PKD1L1: variants seen among roughly 807,000 people sequenced by gnomAD.
PKD1L1 encodes the protein polycystin 1 like 1, transient receptor potential channel interacting, also known as polycystin-1-like protein 1.
PKD1L1 carries 236 observed loss-of-function variants against 323.4 expected under a neutral mutation model. The observed-to-expected ratio is 0.73, with a 90% confidence interval of 0.66 to 0.81. PKD1L1 has a LOEUF of 0.81. PKD1L1 is among the 40% of genes least tolerant of loss of function. The pLI, the probability that PKD1L1 is intolerant of heterozygous loss-of-function variation, is 0.00. For synonymous variants in PKD1L1, 1,344 were observed against 1,335.0 expected (o/e 1.01, Z -0.15); for missense variants, 3,320 against 3,508.0 (o/e 0.95, Z 1.35).
Position 47,846,812 on chromosome 7 carries a change from G to A in PKD1L1, c.5153+67C>T, listed in dbSNP as rs1042458675. The A allele has an allele frequency of 8.2e-6, 12 of 1,464,838 alleles. No homozygotes were observed. In the East Asian group the frequency reaches 2.8e-4, roughly 34 times the overall value. The allele number at this position is 1,464,838 out of a possible 1,614,324, so 90.7% of individuals were successfully genotyped here. A position where few individuals can be genotyped will look rare whatever the true frequency, so the allele number is the denominator to read the frequency against. The stretch of plus-strand genomic sequence containing the variant: ...GTTCAGGAAAGGCTCTAGGGGTTGG[G>A]CCAAATGCAGAAGACAAGGCAGTCA... On this transcript the variant is annotated intron_variant, in intron 32 of 56. Coordinates refer to ENST00000289672, the MANE Select transcript of PKD1L1 (RefSeq NM_138295.5).
rs1786296407 is a variant in PKD1L1, at chr7:47,872,195, C to G, written c.3896+1704G>C. 2.6e-5 allele frequency among the ~76,000 whole-genome samples: 4 copies of G among 152,154 alleles called. No homozygotes were observed. The South Asian group carries it at 8.3e-4, about 32-fold the overall frequency. On this transcript the variant is annotated intron_variant, in intron 24 of 56. Coordinates refer to ENST00000289672, the MANE Select transcript of PKD1L1 (RefSeq NM_138295.5). ...CCCCCTGCAGCAGGAGTCTGGAGCC[C>G]CAGTCTGCCCCAGCCAGAGCAAGGC...
intron 7 of PKD1L1, among the ~76,000 whole-genome samples, chr7:47,923,335 TA>T (rs371527820): frequency 5.8e-4 from 72 of 123,482 alleles, no homozygotes; most frequent in Non-Finnish European, 6.2e-4. Context: ...CAATAAATAC[TA>T]AAAAAAAAAA....
chr7:47,896,329 C>CAAAAA (rs34061319), intron 14 of PKD1L1, among the ~76,000 whole-genome samples: 1 of 46,876 alleles, frequency 2.1e-5, no homozygotes, highest in African/African-American at 7.9e-5. Flanking sequence ...GACCCTGTCT[C>CAAAAA]AAAAAAAAAA....
chr7:47,933,372 AC>A (rs1438206604), intron 4 of PKD1L1, among the ~76,000 whole-genome samples: 1 of 152,080 alleles, frequency 6.6e-6, no homozygotes. Context: ...TTTCTTTAAA[AC>A]TTGAGCCTCT....
At chr7:47,801,593 C>A (rs1265840485) in intron 53 of PKD1L1, among the ~76,000 whole-genome samples, 1 of 152,210 alleles carries the variant, frequency 6.6e-6, no homozygotes, top group Non-Finnish European at 1.5e-5. Context: ...CAGCTATAGT[C>A]ATGGGCTGCA....
rs1243250926 is a variant in PKD1L1, at chr7:47,837,084, C to T, written c.5780G>A (p.Cys1927Tyr). ...GGLGFRKLFYCKFTEYLEDFH... is the reference protein window; with the variant it reads ...GGLGFRKLFYYKFTEYLEDFH... ...ATCCTCCAGGTACTCTGTGAACTTG[C>T]AATAGAAAAGCTGAAACGGAAAGCA... Residue 1927 changes from cysteine to tyrosine, a missense_variant, in exon 37 of 57, where the codon TGC becomes TAC. By Grantham distance (194) the Cys-to-Tyr change is radical (BLOSUM62 -2). Coordinates refer to ENST00000289672, the MANE Select transcript of PKD1L1 (RefSeq NM_138295.5). 3 of 1,613,884 alleles carry T rather than the reference C, an allele frequency of 1.9e-6. No homozygotes were observed. In the East Asian group the frequency reaches 6.7e-5, roughly 36 times the overall value.
At chr7:47,947,692 G>C (rs1040801499) in intron 1 of PKD1L1, among the ~76,000 whole-genome samples, 13 of 152,246 alleles carry the variant, frequency 8.5e-5, no homozygotes, top group Admixed American at 3.9e-4. Context: ...TGGAGGCTGG[G>C]TGCGGTGGCT....
chr7:47,825,966 C>T (rs1198007206), intron 45 of PKD1L1, among the ~76,000 whole-genome samples: 1 of 152,064 alleles, frequency 6.6e-6, no homozygotes, highest in African/African-American at 2.4e-5. Flanking sequence ...GCAGCGCCCC[C>T]AGCCACCCCA....
intron 7 of PKD1L1, among the ~76,000 whole-genome samples, chr7:47,927,399 C>T (rs1787675500): frequency 6.6e-6 from 1 of 152,118 alleles, no homozygotes; most frequent in Admixed American, 6.6e-5. Context: ...CTGCCCCAGC[C>T]TCCTAAGTAG....
chr7:47,920,915 C>A (rs1787521414), intron 7 of PKD1L1, among the ~76,000 whole-genome samples: 1 of 152,156 alleles, frequency 6.6e-6, no homozygotes, highest in Admixed American at 6.6e-5. Context: ...GGACTTAAAT[C>A]TAAGACCTGA....
At chr7:47,887,686 C>T (rs185716690) in intron 17 of PKD1L1, among the ~76,000 whole-genome samples, 20 of 152,314 alleles carry the variant, frequency 1.3e-4, no homozygotes, top group African/African-American at 4.6e-4. Context: ...TGTGTCACAT[C>T]GCAGGTCCTT....
rs758039972 is a variant in PKD1L1, at chr7:47,885,729, A to C, written c.3162T>G (p.Ser1054=). ...QSKGSLMTGR[S]ERSQPTHSPD... Reference sequence around the variant, plus strand: ...GGCTGTGGGTGGGCTGACTTCTCTCAGAGCGGCCAGTCATCAGGGATCCCT... The same window carrying C: ...GGCTGTGGGTGGGCTGACTTCTCTCCGAGCGGCCAGTCATCAGGGATCCCT... Residue 1054 remains serine (S), a synonymous_variant, in exon 18 of 57, where the codon TCT becomes TCG. Coordinates refer to ENST00000289672, the MANE Select transcript of PKD1L1 (RefSeq NM_138295.5). 3.7e-6 allele frequency: 6 copies of C among 1,613,974 alleles called. No individual in the cohort carries two copies. Among genetic ancestry groups the C allele is most frequent in the Non-Finnish European group, 5.1e-6 (6 of 1,179,974 alleles).
In PKD1L1 at chr7:47,885,654, G is replaced by A. The variant is rs368246941; in HGVS notation, c.3205+32C>T. On this transcript the variant is annotated intron_variant, in intron 18 of 56. Transcript: ENST00000289672. ...AAAGGTAACTTTGGTGCCTAGACAA[G>A]AGGGATGACATGCAGGAACAGTGGC... 48 of 1,585,782 alleles carry A rather than the reference G, an allele frequency of 3.0e-5. 1 individual carries two copies. In the South Asian group the frequency reaches 5.2e-4, roughly 17 times the overall value.
chr7:47,821,320 G>A (rs549150169), intron 45 of PKD1L1, 134 bp from the exon 46 acceptor site: 3 of 528,476 alleles, frequency 5.7e-6, no homozygotes, highest in Non-Finnish European at 6.6e-6. Context: ...CCAGGCTGGA[G>A]TGCAGTGGCA....
intron 48 of PKD1L1, chr7:47,813,645 T>G (rs1252934284): frequency 1.5e-6 from 1 of 667,444 alleles, no homozygotes; most frequent in Admixed American, 2.1e-5. Flanking sequence ...GATTGTTTGA[T>G]TAAAAATCCT....
chr7:47,806,530 C>T (rs2128727806), intron 52 of PKD1L1, among the ~76,000 whole-genome samples: 1 of 152,288 alleles, frequency 6.6e-6, no homozygotes, highest in Admixed American at 6.5e-5. Context: ...AGAGAGATGC[C>T]AATAAATTAA....
Position 47,846,871 on chromosome 7 carries a change from G to T in PKD1L1, c.5153+8C>A, listed in dbSNP as rs768413666. ...AAATCTCAGATTCTTTCTCAAATGT[G>T]TCTATACCTGCAGTTCACTTTTTCA... On this transcript the variant is annotated splice_region_variant and intron_variant, in intron 32 of 56. Coordinates refer to ENST00000289672, the MANE Select transcript of PKD1L1 (RefSeq NM_138295.5). The T allele has an allele frequency of 6.3e-7, 1 of 1,597,858 alleles. No individual in the cohort carries two copies.
intron 42 of PKD1L1, among the ~76,000 whole-genome samples, chr7:47,830,596 A>C (rs1273221879): frequency 6.6e-6 from 1 of 152,214 alleles, no homozygotes; most frequent in Non-Finnish European, 1.5e-5. Context: ...CTGAGGCACA[A>C]GAGAGGTCTA....
At chr7:47,903,989 C>T (rs540496583) in intron 12 of PKD1L1, among the ~76,000 whole-genome samples, 4 of 152,306 alleles carry the variant, frequency 2.6e-5, no homozygotes, top group Admixed American at 2.6e-4. Context: ...CTTCTATATA[C>T]GTCTTGCCAG....
Sources: allele counts gnomAD v4.1 joint callset (sites outside exome capture counted in the v4.1 genomes callset), GRCh38; gene constraint gnomAD v4.1.1; transcripts MANE v1.5; gene names NCBI Gene and HGNC (gene_info 2026-07-23, HGNC 2026-07-21).